Variants in ARNT2 observed in about 807,000 individuals in gnomAD.
The protein encoded by ARNT2 is ARNT protein 2.
In ARNT2, 36 loss-of-function variants were observed where a neutral mutation model predicts 91.7. That is an observed-to-expected ratio of 0.39 (90% CI 0.30 to 0.52). ARNT2 has a LOEUF of 0.52. Ranked by LOEUF, ARNT2 falls within the 20% of genes least tolerant of loss-of-function variation. ARNT2 has a pLI of 0.72. For synonymous variants in ARNT2, 365 were observed against 347.1 expected (o/e 1.05, Z -0.57); for missense variants, 775 against 939.3 (o/e 0.83, Z 2.29).
intron 6 of ARNT2, among the ~76,000 whole-genome samples, chr15:80,508,496 G>A (rs1897302806): frequency 6.6e-6 from 1 of 151,992 alleles, no homozygotes; most frequent in Admixed American, 6.5e-5. Context: ...CTCATTCCTA[G>A]ATTTACACCC....
At chr15:80,585,976 C>A (rs1389360142) in intron 17 of ARNT2, among the ~76,000 whole-genome samples, 2 of 152,222 alleles carry the variant, frequency 1.3e-5, no homozygotes, top group Non-Finnish European at 2.9e-5. Flanking sequence ...GTTTCAGTAT[C>A]ATGAAACAGG....
At chr15:80,426,431 A>G (rs1207143387) in intron 1 of ARNT2, among the ~76,000 whole-genome samples, 2 of 152,174 alleles carry the variant, frequency 1.3e-5, no homozygotes, top group Non-Finnish European at 2.9e-5. Context: ...TATCAACTTA[A>G]TAGGATAGAT....
At chr15:80,572,062 A>G (rs1898593592) in intron 12 of ARNT2, among the ~76,000 whole-genome samples, 1 of 151,984 alleles carries the variant, frequency 6.6e-6, no homozygotes. Flanking sequence ...TGAGGGTGCC[A>G]TCTATTTTCT....
At chr15:80,540,277 T>C (rs959317291) in intron 8 of ARNT2, among the ~76,000 whole-genome samples, 2 of 152,202 alleles carry the variant, frequency 1.3e-5, no homozygotes, top group African/African-American at 4.8e-5. Flanking sequence ...CCACCAGCAG[T>C]GTGTGAGTGT....
At chr15:80,504,351 G>A (rs1225186299) in intron 5 of ARNT2, among the ~76,000 whole-genome samples, 1 of 152,140 alleles carries the variant, frequency 6.6e-6, no homozygotes, top group East Asian at 1.9e-4. Flanking sequence ...TCATCCTCTA[G>A]GATATAATGG....
chr15:80,582,571 T>C (rs1470423365), intron 17 of ARNT2, among the ~76,000 whole-genome samples: 1 of 151,886 alleles, frequency 6.6e-6, no homozygotes, highest in Non-Finnish European at 1.5e-5. Flanking sequence ...TGCCCAGCCC[T>C]CCCCACCTCC....
rs1451953810 is a variant in ARNT2 at position 80,451,027 on chromosome 15, TAATA to T, written c.146+37_146+40del. The T allele has an allele frequency of 3.8e-6, 6 of 1,578,850 alleles. No individual in the cohort carries two copies. In the Admixed American group the frequency reaches 5.0e-5, roughly 13 times the overall value. On this transcript the variant is annotated intron_variant, in intron 2 of 18. Coordinates refer to ENST00000303329, the MANE Select transcript of ARNT2 (RefSeq NM_014862.4). Reference sequence around the variant, plus strand: ...ACCTCAGCGTTTCCAGGAATTGGCTTAATAAATGTTGAGCAATGCTCTTGACCTG... The same window carrying T: ...ACCTCAGCGTTTCCAGGAATTGGCTTAATGTTGAGCAATGCTCTTGACCTG...
chr15:80,476,133 T>C (rs1896799448), intron 5 of ARNT2, among the ~76,000 whole-genome samples: 1 of 152,210 alleles, frequency 6.6e-6, no homozygotes, highest in Non-Finnish European at 1.5e-5. Flanking sequence ...AGTTTGAAAA[T>C]GACCTAAAGT....
chr15:80,453,513 TG>T (rs932313377), intron 2 of ARNT2, among the ~76,000 whole-genome samples: 1 of 152,246 alleles, frequency 6.6e-6, no homozygotes, highest in Non-Finnish European at 1.5e-5. Context: ...CGTTTTTACA[TG>T]TTTTGCTGAA....
chr15:80,564,505 C>T (rs1898437018), intron 12 of ARNT2, among the ~76,000 whole-genome samples: 1 of 150,828 alleles, frequency 6.6e-6, no homozygotes, highest in South Asian at 2.1e-4. Context: ...ATGAGAGAAC[C>T]CTCAGAGGGC....
chr15:80,574,062 C>T (rs1341454031), intron 12 of ARNT2, 86 bp from the exon 13 acceptor site: 2 of 1,099,416 alleles, frequency 1.8e-6, no homozygotes, highest in Non-Finnish European at 2.8e-6. Context: ...CCCACTCTGC[C>T]TCTGAGGTAT....
At chr15:80,448,057 T>C (rs2141378652) in intron 1 of ARNT2, among the ~76,000 whole-genome samples, 2 of 152,060 alleles carry the variant, frequency 1.3e-5, no homozygotes, top group South Asian at 4.1e-4. Context: ...TCATTTTAAT[T>C]ATTGTTGCTT....
intron 1 of ARNT2, among the ~76,000 whole-genome samples, chr15:80,428,674 G>C (rs1037803851): frequency 4.6e-5 from 7 of 152,298 alleles, no homozygotes; most frequent in African/African-American, 1.7e-4. Flanking sequence ...CAATTTAAAA[G>C]GAGTGAATTC....
At chr15:80,452,475 A>G (rs1896410748) in intron 2 of ARNT2, among the ~76,000 whole-genome samples, 1 of 152,240 alleles carries the variant, frequency 6.6e-6, no homozygotes. Context: ...CATTCTTGCT[A>G]ACTAGGTGCT....
intron 1 of ARNT2, among the ~76,000 whole-genome samples, chr15:80,412,984 G>A (rs951399868): frequency 6.6e-6 from 1 of 152,212 alleles, no homozygotes; most frequent in African/African-American, 2.4e-5. Flanking sequence ...AGGCCCTGTT[G>A]CCTGTAAGTC....
At chr15:80,440,780 G>T (rs1368101864) in intron 1 of ARNT2, among the ~76,000 whole-genome samples, 1 of 152,198 alleles carries the variant, frequency 6.6e-6, no homozygotes, top group Non-Finnish European at 1.5e-5. Flanking sequence ...AGGTCCAGTG[G>T]CCATCCTCTT....
chr15:80,579,077 G>A (rs1019554209), intron 15 of ARNT2, among the ~76,000 whole-genome samples: 1 of 152,238 alleles, frequency 6.6e-6, no homozygotes, highest in African/African-American at 2.4e-5. Flanking sequence ...CCCCAGGGAG[G>A]GCTGTGCACA....
At chr15:80,578,577 C>G (rs1457210729) in intron 15 of ARNT2, among the ~76,000 whole-genome samples, 1 of 151,402 alleles carries the variant, frequency 6.6e-6, no homozygotes, top group African/African-American at 2.4e-5. Context: ...TCAGGGCAGA[C>G]AGTCCAGCGT....
chr15:80,504,649 T>A (rs2141421198), intron 5 of ARNT2, among the ~76,000 whole-genome samples: 1 of 152,114 alleles, frequency 6.6e-6, no homozygotes, highest in Admixed American at 6.5e-5. Context: ...ACGTCTGTAG[T>A]CCCAGCTACT....
Sources: gnomAD v4.1 joint callset for allele counts (sites outside exome capture counted in the v4.1 genomes callset) on GRCh38, gnomAD v4.1.1 for gene constraint, MANE v1.5 for transcripts, NCBI Gene and HGNC (gene_info 2026-07-23, HGNC 2026-07-21) for gene names.